Variants in CCNF observed in about 807,000 individuals in gnomAD.
CCNF encodes the protein cyclin F, also known as cyclin-F.
In CCNF, 30 loss-of-function variants were observed where a neutral mutation model predicts 85.4. The ratio of observed to expected loss-of-function variants is 0.35; its 90% CI spans 0.26 to 0.48. CCNF has a LOEUF of 0.48. Ranked by LOEUF, CCNF falls within the 20% of genes least tolerant of loss-of-function variation. CCNF has a pLI of 0.99. For synonymous variants in CCNF, 439 were observed against 425.1 expected (o/e 1.03, Z -0.40); for missense variants, 919 against 1,010.4 (o/e 0.91, Z 1.23).
chr16:2,446,346 C>T (rs183962468), intron 10 of CCNF, among the ~76,000 whole-genome samples: 1 of 152,338 alleles, frequency 6.6e-6, no homozygotes, highest in Non-Finnish European at 1.5e-5. Context: ...GAGTTTCCTA[C>T]ACTCTTGGAG....
chr16:2,439,665 C>T (rs1478949543), intron 7 of CCNF, 84 bp from the exon 8 acceptor site: 15 of 1,152,142 alleles, frequency 1.3e-5, no homozygotes, highest in East Asian at 5.0e-5. Flanking sequence ...GGGAAGTTAG[C>T]GTAGTGTCGG....
chr16:2,453,663 C>T lies in CCNF; in HGVS notation c.1715+126C>T, dbSNP rs2065408050. Reference sequence around the variant, plus strand: ...GTCAGGGGAGCAGCAGATCCCAGGACAGTGACCCTGGGACGGAGCCCTGCA... The same window carrying T: ...GTCAGGGGAGCAGCAGATCCCAGGATAGTGACCCTGGGACGGAGCCCTGCA... On this transcript the variant is annotated intron_variant, in intron 15 of 16. Transcript: ENST00000397066. This position sits in a 1 kb window ranked among gnomAD's most constrained non-coding sequence, Gnocchi z 5.6. The T allele has an allele frequency of 4.0e-6, 5 of 1,261,548 alleles. No individual in the cohort carries two copies. The highest frequency in any genetic ancestry group is 5.6e-6 in the Non-Finnish European group (5 of 895,186). 78.1% of individuals were successfully genotyped at this position (1,261,548 alleles called of 1,614,324 possible).
intron 10 of CCNF, among the ~76,000 whole-genome samples, chr16:2,447,671 A>C (rs1445634584): frequency 6.6e-6 from 1 of 151,990 alleles, no homozygotes; most frequent in Non-Finnish European, 1.5e-5. Context: ...GAATCACTTG[A>C]ACCTGGGAGG....
intron 4 of CCNF, 73 bp downstream of exon 4, chr16:2,435,946 C>T: frequency 9.2e-7 from 1 of 1,081,686 alleles, no homozygotes; most frequent in Non-Finnish European, 1.4e-6. Flanking sequence ...AGAAGTGGTC[C>T]CCGTGTTAGC....
intron 8 of CCNF, 98 bp downstream of exon 8, chr16:2,439,924 C>G (rs1433806226): frequency 9.7e-6 from 10 of 1,028,964 alleles, no homozygotes; most frequent in Non-Finnish European, 1.5e-5. Context: ...GCAGGACTAT[C>G]TGGGCTCCCA....
rs746336128 is a variant in CCNF, at chr16:2,439,764, C to T, written c.715C>T (p.Arg239Ter). The change falls in exon 8 of 17, where the codon CGA becomes TGA. Residue 239 changes from arginine to a stop codon, truncating the protein, a stop_gained. Coordinates refer to ENST00000397066, the MANE Select transcript of CCNF (RefSeq NM_001761.3). LOFTEE classifies it high-confidence loss of function. ...CCATTGACAGGTGTCAGATCCTGGG[C>T]GATGCCTCCACAGCTTCCGAAAACT... is the stretch of plus-strand genomic sequence containing the variant. ...DRRTDVSDPG[R>*]CLHSFRKLRD... The T allele has an allele frequency of 3.7e-6, 6 of 1,613,962 alleles. No individual in the cohort carries two copies. Among genetic ancestry groups the T allele is most frequent in the East Asian group, 2.2e-5 (1 of 44,884 alleles).
At chr16:2,445,726 GTTGTT>G in intron 10 of CCNF, 104 bp downstream of exon 10, 2 of 835,016 alleles carry the variant, frequency 2.4e-6, no homozygotes, top group South Asian at 1.9e-5. Context: ...TTTGTTTTGT[GTTGTT>G]TTTTTTTTTT....
At position 2,435,827 on chromosome 16, in the gene CCNF, C is replaced by T. The variant is rs376699320; in HGVS notation, c.300C>T (p.Phe100=). 5.0e-6 allele frequency: 8 copies of T among 1,613,568 alleles called. No homozygotes were observed. The highest frequency in any genetic ancestry group is 1.3e-5 in the African/African-American group (1 of 74,854). ...LFERAAEKGN[F]EAAVKLGIAY... ...TCAGGGCTGCTGAAAAGGGGAATTT[C>T]GAAGCTGCTGTGAAGCTGGGCATAG... The change falls in exon 4 of 17, where the codon TTC becomes TTT. Residue 100 remains phenylalanine, a synonymous_variant. Coordinates refer to ENST00000397066, the MANE Select transcript of CCNF (RefSeq NM_001761.3).
rs775693958 is a variant in CCNF at position 2,453,322 on chromosome 16, C to T, written c.1587+13C>T. The T allele has an allele frequency of 2.4e-5, 39 of 1,613,704 alleles. No homozygotes were observed. The highest frequency in any genetic ancestry group is 8.0e-5 in the African/African-American group (6 of 74,918). On this transcript the variant is annotated intron_variant, in intron 14 of 16. Transcript: ENST00000397066. This position sits in a 1 kb window ranked among gnomAD's most constrained non-coding sequence, Gnocchi z 5.6. Reference sequence around the variant, plus strand: ...CAGCCAGGAAGAGGTGCCTCCCTCCCGCCACCTGGGCGTCTCATGGGGTGC... The same window carrying T: ...CAGCCAGGAAGAGGTGCCTCCCTCCTGCCACCTGGGCGTCTCATGGGGTGC...
intron 10 of CCNF, among the ~76,000 whole-genome samples, chr16:2,447,855 G>A (rs530785783): frequency 2.6e-5 from 4 of 152,080 alleles, no homozygotes; most frequent in Non-Finnish European, 5.9e-5. Flanking sequence ...GCTCTCATTG[G>A]CCACTGACAT....
rs2141828900 is a variant in CCNF at position 2,451,693 on chromosome 16, G to A, written c.1488-1517G>A. On this transcript the variant is annotated intron_variant, in intron 13 of 16. Transcript: ENST00000397066. This position sits in a 1 kb window ranked among gnomAD's most constrained non-coding sequence, Gnocchi z 4.3. Reference sequence around the variant, plus strand: ...AGCCTCCCGAGTAGCAGAAACCACAGGCACCAGCACAGCAGGCCTGGGTGC... The same window carrying A: ...AGCCTCCCGAGTAGCAGAAACCACAAGCACCAGCACAGCAGGCCTGGGTGC... Among the ~76,000 whole-genome samples the A allele has an allele frequency of 6.6e-6, 1 of 152,256 alleles. No homozygotes were observed. Among genetic ancestry groups the A allele is most frequent in the East Asian group, 1.9e-4 (1 of 5,174 alleles).
At chr16:2,435,685 ATATATAT>A (rs1388647243) in intron 3 of CCNF, 114 bp from the exon 4 acceptor site, 1 of 308,984 alleles carries the variant, frequency 3.2e-6, no homozygotes, top group Non-Finnish European at 6.0e-6. Context: ...ATATATATAT[ATATATAT>A]ATATATATAT....
intron 9 of CCNF, 101 bp from the exon 10 acceptor site, chr16:2,445,357 A>T: frequency 7.5e-7 from 1 of 1,324,664 alleles, no homozygotes; most frequent in Non-Finnish European, 1.1e-6. Context: ...TTCCAGAGCT[A>T]GCCAGCTTAT....
chr16:2,443,826 A>C, intron 9 of CCNF, 26 bp downstream of exon 9: 9 of 1,611,952 alleles, frequency 5.6e-6, no homozygotes, highest in Non-Finnish European at 7.6e-6. Flanking sequence ...CGGGGCTTCT[A>C]ATCAGAGCGG....
rs1399504928 is a variant in CCNF at position 2,433,929 on chromosome 16, C to T, written c.278+862C>T. Among the ~76,000 whole-genome samples, 6 of 152,202 alleles carry T rather than the reference C, an allele frequency of 3.9e-5. 1 individual carries two copies. The highest frequency in any genetic ancestry group is 4.1e-4 in the South Asian group (2 of 4,828). On this transcript the variant is annotated intron_variant, in intron 3 of 16. Transcript: ENST00000397066. Reference sequence around the variant, plus strand: ...ACCAGGGCAGGCAGCCATGTTGCCGCGGCCATGCTTGGGCTGCTTCCAGGG... The same window carrying T: ...ACCAGGGCAGGCAGCCATGTTGCCGTGGCCATGCTTGGGCTGCTTCCAGGG...
chr16:2,449,779 C>T, intron 12 of CCNF, 49 bp from the exon 13 acceptor site: 1 of 852,252 alleles, frequency 1.2e-6, no homozygotes, highest in Non-Finnish European at 1.9e-6. Flanking sequence ...CCCCTCCATC[C>T]CCTCCGTCCC....
chr16:2,453,573 G>C lies in CCNF; in HGVS notation c.1715+36G>C. On this transcript the variant is annotated intron_variant, in intron 15 of 16. Transcript: ENST00000397066. The surrounding 1 kb of genome is among the most constrained non-coding windows in gnomAD (Gnocchi z 5.6). ...CTGCGTTCTGGCTGCGCCATACAAT[G>C]CTGGCATCCTCGTGCCGGCCCAGTT... The C allele has an allele frequency of 6.2e-7, 1 of 1,612,452 alleles. No homozygotes were observed. Among genetic ancestry groups the C allele is most frequent in the South Asian group, 1.1e-5 (1 of 91,086 alleles).
chr16:2,453,106 A>G lies in CCNF; in HGVS notation c.1488-104A>G, dbSNP rs889088988. The G allele has an allele frequency of 2.6e-5, 24 of 931,832 alleles. No individual in the cohort carries two copies. In the Admixed American group the frequency reaches 3.0e-4, roughly 12 times the overall value. The allele number at this position is 931,832 out of a possible 1,614,324, so 57.7% of individuals were successfully genotyped here. On this transcript the variant is annotated intron_variant, in intron 13 of 16. Transcript: ENST00000397066. This position sits in a 1 kb window ranked among gnomAD's most constrained non-coding sequence, Gnocchi z 5.6. ...GGGGAACTGCCAGGTCAGATTCCAG[A>G]GTGACTGCACCATTTTGCATTCTCA... is the stretch of plus-strand genomic sequence containing the variant.
rs773548489 is a variant in CCNF, at chr16:2,449,186, C to A, written c.1219-96C>A. ...GCTACGCGTGCAGCATCGGCGTGAA[C>A]ATCATCCGGGCCAGACCCTGCGCTG... On this transcript the variant is annotated intron_variant, in intron 11 of 16. Coordinates refer to ENST00000397066, the MANE Select transcript of CCNF (RefSeq NM_001761.3). 4.0e-6 allele frequency: 6 copies of A among 1,507,522 alleles called. No homozygotes were observed. The African/African-American group carries it at 8.3e-5, about 21-fold the overall frequency. The allele number at this position is 1,507,522 out of a possible 1,614,324, so 93.4% of individuals were successfully genotyped here. A position where few individuals can be genotyped will look rare whatever the true frequency, so the allele number is the denominator to read the frequency against.
Sources: gnomAD v4.1 joint callset for allele counts (sites outside exome capture counted in the v4.1 genomes callset) on GRCh38, gnomAD v4.1.1 for gene constraint, Gnocchi (gnomAD v3.1) non-coding constraint, MANE v1.5 for transcripts, NCBI Gene and HGNC (gene_info 2026-07-23, HGNC 2026-07-21) for gene names.